FSTL5: variants seen among roughly 807,000 people sequenced by gnomAD.
The protein encoded by FSTL5 is follistatin like 5.
In FSTL5, 62 loss-of-function variants were observed where a neutral mutation model predicts 89.1. The ratio of observed to expected loss-of-function variants is 0.70; its 90% CI spans 0.57 to 0.86. The LOEUF (loss-of-function observed/expected upper bound fraction) is 0.86. Ranked by LOEUF, FSTL5 falls within the 40% of genes least tolerant of loss-of-function variation. The probability of loss-of-function intolerance (pLI) is 0.00; values close to 1 mark genes in which losing one functional copy is unlikely to be tolerated. For missense variants in FSTL5, 1,057 were observed against 1,001.6 expected, an observed-to-expected ratio of 1.06 and a Z score of -0.75; for synonymous variants, 383 against 346.2, an observed-to-expected ratio of 1.11 and a Z score of -1.18.
intron 6 of FSTL5, among the ~76,000 whole-genome samples, chr4:161,663,526 C>G (rs1736787367): frequency 6.6e-6 from 1 of 152,150 alleles, no homozygotes; most frequent in Non-Finnish European, 1.5e-5. Context: ...TCCAGGTTAT[C>G]TGATGCAAGA....
intron 2 of FSTL5, among the ~76,000 whole-genome samples, chr4:162,104,679 G>C (rs951389014): frequency 6.6e-6 from 1 of 152,158 alleles, no homozygotes; most frequent in Non-Finnish European, 1.5e-5. Context: ...CGCTACTACT[G>C]TGAAGAATGA....
intron 3 of FSTL5, among the ~76,000 whole-genome samples, chr4:161,931,425 T>G (rs529160714): frequency 6.6e-6 from 1 of 151,950 alleles, no homozygotes; most frequent in Non-Finnish European, 1.5e-5. Flanking sequence ...GAGGGTAGTT[T>G]TGCACAAAAG....
At chr4:161,974,520 A>T (rs1235795320) in intron 3 of FSTL5, among the ~76,000 whole-genome samples, 4 of 131,684 alleles carry the variant, frequency 3.0e-5, no homozygotes, top group Non-Finnish European at 6.4e-5. Flanking sequence ...CCTATTTAAT[A>T]AATGGTGCTG....
chr4:161,503,414 C>T (rs1049770023), intron 11 of FSTL5, among the ~76,000 whole-genome samples: 5 of 151,616 alleles, frequency 3.3e-5, no homozygotes, highest in African/African-American at 1.2e-4. Context: ...TCTGTTTTCC[C>T]AGAATCCTTG....
At chr4:161,505,663 T>C (rs149412994) in intron 11 of FSTL5, among the ~76,000 whole-genome samples, 1 of 152,170 alleles carries the variant, frequency 6.6e-6, no homozygotes, top group African/African-American at 2.4e-5. Flanking sequence ...TTGGTTGAAA[T>C]CATACATAAT....
chr4:161,469,016 C>T (rs1733840784), intron 13 of FSTL5, among the ~76,000 whole-genome samples: 1 of 152,082 alleles, frequency 6.6e-6, no homozygotes, highest in African/African-American at 2.4e-5. Context: ...CCCTATGAAT[C>T]TCCATAATTC....
intron 2 of FSTL5, among the ~76,000 whole-genome samples, chr4:162,086,539 T>A (rs1453457115): frequency 1.3e-5 from 2 of 152,010 alleles, no homozygotes; most frequent in African/African-American, 4.8e-5. Context: ...AAAGCTTACA[T>A]CTCTGTGGGA....
At chr4:161,943,994 G>T (rs1734667962) in intron 3 of FSTL5, among the ~76,000 whole-genome samples, 1 of 152,010 alleles carries the variant, frequency 6.6e-6, no homozygotes, top group Non-Finnish European at 1.5e-5. Flanking sequence ...GATAGGTAGA[G>T]CATCAATTTA....
chr4:161,494,263 T>C (rs964672037), intron 12 of FSTL5, among the ~76,000 whole-genome samples: 3 of 152,134 alleles, frequency 2.0e-5, no homozygotes, highest in Admixed American at 1.3e-4. Context: ...AAAAAATAAG[T>C]GGGGAAACAT....
At chr4:161,768,357 T>C (rs913455847) in intron 5 of FSTL5, among the ~76,000 whole-genome samples, 2 of 152,102 alleles carry the variant, frequency 1.3e-5, no homozygotes, top group Non-Finnish European at 2.9e-5. Context: ...AACTGTGAAA[T>C]GTGATATATT....
chr4:161,690,546 T>G (rs1307657392), intron 6 of FSTL5, among the ~76,000 whole-genome samples: 1 of 152,144 alleles, frequency 6.6e-6, no homozygotes, highest in Non-Finnish European at 1.5e-5. Flanking sequence ...AAGAATTCTT[T>G]GTGTATTCTA....
chr4:161,947,360 G>A (rs1472319825), intron 3 of FSTL5, among the ~76,000 whole-genome samples: 1 of 151,880 alleles, frequency 6.6e-6, no homozygotes, highest in Non-Finnish European at 1.5e-5. Flanking sequence ...TTTTCTAGAG[G>A]ATTTAAGATT....
chr4:161,692,250 T>C lies in FSTL5; in HGVS notation c.728-35756A>G, dbSNP rs557401531. Among the ~76,000 whole-genome samples the C allele has an allele frequency of 3.3e-5, 5 of 152,198 alleles. No homozygotes were observed. The South Asian group carries it at 1.0e-3, about 32-fold the overall frequency. On this transcript the variant is annotated intron_variant, in intron 6 of 15. Transcript: ENST00000306100. ...ATTCTTTATCACATTAAGGAAGCTA[T>C]CATTCATTTTTATTTTGCTGGGTAT...
At chr4:161,587,657 A>T (rs938927759) in intron 7 of FSTL5, 82 bp from the exon 8 acceptor site, 5 of 1,055,564 alleles carry the variant, frequency 4.7e-6, no homozygotes, top group Non-Finnish European at 6.9e-6. Context: ...GTATTCAGGT[A>T]CAAAACAAAT....
rs79934260 is a variant in FSTL5, at chr4:161,679,797, G to A, written c.728-23303C>T. ...TAATTGATCACATACTATGTGCTAGGTACTCTTCTCACGTGTGTAATCAAT... is the reference window on the plus strand; with the variant it reads ...TAATTGATCACATACTATGTGCTAGATACTCTTCTCACGTGTGTAATCAAT... On this transcript the variant is annotated intron_variant, in intron 6 of 15. Coordinates refer to ENST00000306100, the MANE Select transcript of FSTL5 (RefSeq NM_020116.5). 6.0e-3 allele frequency among the ~76,000 whole-genome samples: 906 copies of A among 151,756 alleles called. 9 individuals carry two copies. Among genetic ancestry groups the A allele is most frequent in the South Asian group, 0.046 (220 of 4,818 alleles).
chr4:161,528,142 TTGTGGGG>T (rs1560939031), intron 10 of FSTL5, among the ~76,000 whole-genome samples: 1 of 54,454 alleles, frequency 1.8e-5, no homozygotes. Flanking sequence ...CTGGGGACTG[TTGTGGGG>T]TGGGGGGAGG....
intron 3 of FSTL5, among the ~76,000 whole-genome samples, chr4:162,004,853 T>C (rs1214015922): frequency 1.3e-5 from 2 of 152,134 alleles, no homozygotes; most frequent in Non-Finnish European, 2.9e-5. Context: ...ACAGTGGACA[T>C]TGGTAAATAT....
Position 162,066,355 on chromosome 4 carries a change from CCTT to C in FSTL5, c.127-32700_127-32698del, listed in dbSNP as rs1285551001. On this transcript the variant is annotated intron_variant, in intron 2 of 15. Coordinates refer to ENST00000306100, the MANE Select transcript of FSTL5 (RefSeq NM_020116.5). ...TTCTTCTTCTTCTTCTTCTTCTTCT[CCTT>C]CTTCTTCTTCTTCTCCTTCTTCTTC... is the stretch of plus-strand genomic sequence containing the variant. 1.5e-4 allele frequency among the ~76,000 whole-genome samples: 9 copies of C among 61,166 alleles called. 1 individual carries two copies. Among genetic ancestry groups the C allele is most frequent in the African/African-American group, 5.5e-4 (9 of 16,340 alleles). 40.1% of individuals were successfully genotyped at this position (61,166 alleles called of 152,430 possible).
chr4:161,421,202 G>A (rs553650979), intron 15 of FSTL5, among the ~76,000 whole-genome samples: 2 of 152,140 alleles, frequency 1.3e-5, no homozygotes, highest in East Asian at 1.9e-4. Flanking sequence ...TTAGCCGGGC[G>A]TGGTGGTGTG....
Sources: allele counts gnomAD v4.1 joint callset (sites outside exome capture counted in the v4.1 genomes callset), GRCh38; gene constraint gnomAD v4.1.1; transcripts MANE v1.5; gene names NCBI Gene and HGNC (gene_info 2026-07-23, HGNC 2026-07-21).